Variants in ANKRD2 observed in about 807,000 individuals in gnomAD.
ANKRD2 encodes the protein ankyrin repeat domain 2.
Under a neutral mutation model 37.3 loss-of-function variants are expected in ANKRD2, and 35 were observed. The ratio of observed to expected loss-of-function variants is 0.94; its 90% confidence interval spans 0.72 to 1.24. The LOEUF (loss-of-function observed/expected upper bound fraction) is 1.24. ANKRD2 is among the 50% of genes most tolerant of loss of function. The pLI is 0.00. For missense variants in ANKRD2, 410 were observed against 445.6 expected, an observed-to-expected ratio of 0.92 and a Z score of 0.72; for synonymous variants, 159 against 186.5, an observed-to-expected ratio of 0.85 and a Z score of 1.20.
Position 97,578,550 on chromosome 10 carries a change from T to TGAAGGTCATTGAGAAGTTCCTGGCTGAC in ANKRD2, c.403_430dup (p.Gly144GlufsTer4). ...CTGAAAGCTGCGGTGGAGGGGAAAA[T>TGAAGGTCATTGAGAAGTTCCTGGCTGAC]GAAGGTCATTGAGAAGTTCCTGGCT... On this transcript the variant is annotated frameshift_variant, in exon 4 of 9. Coordinates refer to ENST00000370655, the MANE Select transcript of ANKRD2 (RefSeq NM_001346793.2). LOFTEE classifies it high-confidence loss of function. 6.4e-7 allele frequency: 1 copy of TGAAGGTCATTGAGAAGTTCCTGGCTGAC among 1,570,758 alleles called. No homozygotes were observed.
At chr10:97,574,375 A>T (rs2040798079) in intron 1 of ANKRD2, among the ~76,000 whole-genome samples, 1 of 151,948 alleles carries the variant, frequency 6.6e-6, no homozygotes, top group African/African-American at 2.4e-5. Flanking sequence ...GGTGGAGGGT[A>T]TTCCAGCCTC....
In ANKRD2 at chr10:97,581,352, G is replaced by A. The variant is rs2040896024; in HGVS notation, c.592G>A (p.Gly198Ser). 1 of 1,614,066 alleles carries A rather than the reference G, an allele frequency of 6.2e-7. No homozygotes were observed. Among genetic ancestry groups the A allele is most frequent in the South Asian group, 1.1e-5 (1 of 91,088 alleles). ...AGCCATGCATTGGGCCTGCCGCGGG[G>A]GCCACTTAGAGGTGGTGAAACTTCT... ...CTAMHWACRG[G>S]HLEVVKLLQS... is the part of the protein sequence containing the mutation. The change falls in exon 6 of 9, where the codon GGC becomes AGC. Residue 198 changes from glycine (G) to serine (S), a missense_variant. By Grantham distance (56) the Gly-to-Ser change is moderately conservative. Transcript: ENST00000370655.
upstream of ANKRD2, chr10:97,572,459 G>A: frequency 1.9e-6 from 1 of 520,950 alleles, no homozygotes; most frequent in Non-Finnish European, 3.4e-6. Context: ...CATGCAGCCA[G>A]CAGTTCCCTT....
At chr10:97,582,559 TC>T (rs1189300688) in intron 7 of ANKRD2, 44 bp from the exon 8 acceptor site, 2 of 1,598,498 alleles carry the variant, frequency 1.3e-6, no homozygotes, top group South Asian at 2.2e-5. Flanking sequence ...CCTTGCCTCC[TC>T]CCACTGCCCA....
chr10:97,580,668 C>T lies in ANKRD2; in HGVS notation c.457-187C>T, dbSNP rs561873536. 1.5e-4 allele frequency among the ~76,000 whole-genome samples: 23 copies of T among 152,238 alleles called. No homozygotes were observed. In the South Asian group the frequency reaches 1.7e-3, roughly 11 times the overall value. On this transcript the variant is annotated intron_variant, in intron 4 of 8. Transcript: ENST00000370655. Reference sequence around the variant, plus strand: ...GGGGGGCAGTGAGAAGGTCGGGTTCCCTGGGGCAGAGGGCTCCCAGGCTGG... The same window carrying T: ...GGGGGGCAGTGAGAAGGTCGGGTTCTCTGGGGCAGAGGGCTCCCAGGCTGG...
intron 1 of ANKRD2, among the ~76,000 whole-genome samples, chr10:97,576,578 A>C (rs1373626351): frequency 1.3e-5 from 2 of 152,158 alleles, no homozygotes; most frequent in Admixed American, 1.3e-4. Flanking sequence ...GAGCTGCCAA[A>C]TTTTATATTG....
rs760333902 is a variant in ANKRD2 at position 97,583,774 on chromosome 10, C to T, written c.*49C>T. On this transcript the variant is annotated 3_prime_UTR_variant, in exon 9 of 9. Coordinates refer to ENST00000370655, the MANE Select transcript of ANKRD2 (RefSeq NM_001346793.2). ...TACCCAGCCCCTCTCTGTGTGCAGC[C>T]GGAGGGTCCTAAGAATGGCTCCCGG... 5.5e-5 allele frequency: 80 copies of T among 1,457,504 alleles called. 1 individual carries two copies. Among genetic ancestry groups the T allele is most frequent in the South Asian group, 4.3e-4 (29 of 66,872 alleles). 90.3% of individuals were successfully genotyped at this position (1,457,504 alleles called of 1,614,324 possible). A position where few individuals can be genotyped will look rare whatever the true frequency, so the allele number is the denominator to read the frequency against.
chr10:97,572,924 C>A (rs1425995931), intron 1 of ANKRD2, 49 bp downstream of exon 1: 13 of 1,529,664 alleles, frequency 8.5e-6, no homozygotes, highest in Non-Finnish European at 1.1e-5. Flanking sequence ...AGATCCAGTT[C>A]TGCTGTCAAG....
intron 8 of ANKRD2, 44 bp downstream of exon 8, chr10:97,582,746 C>T: frequency 6.4e-7 from 1 of 1,573,748 alleles, no homozygotes; most frequent in Non-Finnish European, 8.7e-7. Context: ...CGTGAGCACT[C>T]ATACAGTGGA....
chr10:97,573,984 T>G (rs1189770068), intron 1 of ANKRD2, among the ~76,000 whole-genome samples: 1 of 152,092 alleles, frequency 6.6e-6, no homozygotes, highest in East Asian at 1.9e-4. Flanking sequence ...CTTCAAGGAC[T>G]CCTCTGTGGA....
chr10:97,574,053 AG>A (rs1815230763), intron 1 of ANKRD2, among the ~76,000 whole-genome samples: 1 of 151,750 alleles, frequency 6.6e-6, no homozygotes, highest in Non-Finnish European at 1.5e-5. Flanking sequence ...CTGAGATCCG[AG>A]GTGGGCAGAT....
At chr10:97,582,203 GGCACTAGGACTT>G (rs2040906334) in intron 6 of ANKRD2, 100 bp from the exon 7 acceptor site, 1 of 840,280 alleles carries the variant, frequency 1.2e-6, no homozygotes, top group East Asian at 2.7e-5. Context: ...CTCAGGCCTT[GGCACTAGGACTT>G]GGAAGAGGGA....
chr10:97,575,134 G>T (rs187186881), intron 1 of ANKRD2, among the ~76,000 whole-genome samples: 1 of 152,342 alleles, frequency 6.6e-6, no homozygotes, highest in East Asian at 1.9e-4. Flanking sequence ...CTGTGTGCCA[G>T]CCCACAAAGA....
chr10:97,583,667 G>A lies in ANKRD2; in HGVS notation c.944G>A (p.Gly315Glu), dbSNP rs1421665086. The change falls in exon 9 of 9, where the codon GGG becomes GAG. Residue 315 changes from glycine (G) to glutamate (E), a missense_variant. Transcript: ENST00000370655. The part of the protein sequence containing the change: ...EHPEPGAEHN[G>E]LEGPNDSGRE... ...CCTGAGCCGGGGGCTGAGCATAACG[G>A]GCTGGAGGGGCCTAATGATAGTGGG... The A allele has an allele frequency of 1.9e-6, 3 of 1,604,638 alleles. No individual in the cohort carries two copies. Among genetic ancestry groups the A allele is most frequent in the Admixed American group, 1.7e-5 (1 of 58,930 alleles).
chr10:97,574,768 G>T (rs1312371720), intron 1 of ANKRD2, among the ~76,000 whole-genome samples: 2 of 152,206 alleles, frequency 1.3e-5, no homozygotes, highest in African/African-American at 4.8e-5. Flanking sequence ...AGCTTGGAAT[G>T]AGCCCTGGCT....
At chr10:97,581,772 TATCC>T (rs2040901470) in intron 6 of ANKRD2, among the ~76,000 whole-genome samples, 1 of 152,262 alleles carries the variant, frequency 6.6e-6, no homozygotes, top group African/African-American at 2.4e-5. Flanking sequence ...TCTATCCGTC[TATCC>T]ATCCATCCAT....
chr10:97,577,678 T>C (rs2040841541), intron 1 of ANKRD2, 122 bp from the exon 2 acceptor site: 1 of 744,296 alleles, frequency 1.3e-6, no homozygotes, highest in East Asian at 3.3e-5. Context: ...CTCCCCAGGA[T>C]CAGCCAGAAG....
chr10:97,579,882 C>T (rs2040875624), intron 4 of ANKRD2, among the ~76,000 whole-genome samples: 1 of 152,218 alleles, frequency 6.6e-6, no homozygotes, highest in Non-Finnish European at 1.5e-5. Flanking sequence ...CAGGCATGAG[C>T]CACCGTGTCC....
chr10:97,579,805 CA>C (rs2040874715), intron 4 of ANKRD2, among the ~76,000 whole-genome samples: 2 of 152,128 alleles, frequency 1.3e-5, no homozygotes, highest in African/African-American at 4.8e-5. Context: ...CCCTTGACAA[CA>C]AGCTGGTCTT....
Sources: gnomAD v4.1 joint callset for allele counts (sites outside exome capture counted in the v4.1 genomes callset) on GRCh38, gnomAD v4.1.1 for gene constraint, MANE v1.5 for transcripts, NCBI Gene and HGNC (gene_info 2026-07-23, HGNC 2026-07-21) for gene names.